LRBA: variants seen among roughly 807,000 people sequenced by gnomAD.
The protein encoded by LRBA is lipopolysaccharide-responsive and beige-like anchor protein.
A neutral mutation model predicts 330.0 loss-of-function variants in LRBA; 176 were observed. The observed-to-expected ratio is 0.53, with a 90% CI of 0.47 to 0.60. The LOEUF (loss-of-function observed/expected upper bound fraction) is 0.60. Ranked by LOEUF, LRBA falls within the 20% of genes least tolerant of loss-of-function variation. LRBA has a pLI of 0.00. For synonymous variants in LRBA, 1,230 were observed against 1,193.0 expected (o/e 1.03, Z -0.64); for missense variants, 3,259 against 3,444.8 (o/e 0.95, Z 1.35).
chr4:150,942,821 T>C (rs952066106), intron 2 of LRBA, among the ~76,000 whole-genome samples: 1 of 152,198 alleles, frequency 6.6e-6, no homozygotes, highest in South Asian at 2.1e-4. Context: ...ATCTGACTCA[T>C]AGTCTCATGT....
At chr4:150,366,418 G>C (rs1179807927) in intron 47 of LRBA, among the ~76,000 whole-genome samples, 2 of 152,232 alleles carry the variant, frequency 1.3e-5, no homozygotes, top group Non-Finnish European at 2.9e-5. Flanking sequence ...TTATAGGTCA[G>C]AATCTAGCAA....
chr4:150,370,861 A>G (rs1315082286), intron 47 of LRBA, among the ~76,000 whole-genome samples: 1 of 152,222 alleles, frequency 6.6e-6, no homozygotes, highest in Non-Finnish European at 1.5e-5. Context: ...AATTTTTTAA[A>G]ACATGATGTT....
chr4:150,824,324 T>C (rs1422362843), intron 30 of LRBA, among the ~76,000 whole-genome samples: 1 of 152,184 alleles, frequency 6.6e-6, no homozygotes, highest in Non-Finnish European at 1.5e-5. Context: ...ATGGACTCTT[T>C]AGGTTTTTCT....
At chr4:150,972,049 C>T (rs1739639727) in intron 2 of LRBA, among the ~76,000 whole-genome samples, 1 of 152,032 alleles carries the variant, frequency 6.6e-6, no homozygotes. Flanking sequence ...CTTATAAGTA[C>T]CTTACCAAAA....
At chr4:150,630,562 T>A (rs915585560) in intron 37 of LRBA, among the ~76,000 whole-genome samples, 10 of 151,072 alleles carry the variant, frequency 6.6e-5, no homozygotes, top group Admixed American at 2.6e-4. Context: ...TTATGTCTAC[T>A]TAAACAGGTT....
At chr4:150,841,926 G>A (rs1235873967) in intron 28 of LRBA, among the ~76,000 whole-genome samples, 2 of 152,098 alleles carry the variant, frequency 1.3e-5, no homozygotes, top group Admixed American at 1.3e-4. Context: ...AAAGTGCTGG[G>A]ATTACAGGTG....
At chr4:150,878,854 G>T (rs932725359) in intron 17 of LRBA, among the ~76,000 whole-genome samples, 16 of 150,728 alleles carry the variant, frequency 1.1e-4, no homozygotes, top group Non-Finnish European at 2.2e-4. Context: ...AATTTTTCTG[G>T]TCCAGGAATT....
intron 36 of LRBA, among the ~76,000 whole-genome samples, chr4:150,718,041 A>G (rs1036722423): frequency 3.3e-5 from 5 of 152,204 alleles, no homozygotes; most frequent in Admixed American, 1.3e-4. Flanking sequence ...GTATATTCAC[A>G]CATGCACAAT....
chr4:150,453,846 C>A (rs1753691764), intron 44 of LRBA, among the ~76,000 whole-genome samples: 1 of 152,198 alleles, frequency 6.6e-6, no homozygotes, highest in African/African-American at 2.4e-5. Context: ...TAATCTTAAA[C>A]CTCTTTTCTT....
intron 34 of LRBA, among the ~76,000 whole-genome samples, chr4:150,795,651 A>G (rs1474701470): frequency 2.0e-5 from 3 of 151,988 alleles, no homozygotes. Context: ...TAAATAGACT[A>G]AAATATGAAA....
chr4:150,522,449 A>G (rs1763020195), intron 40 of LRBA, among the ~76,000 whole-genome samples: 1 of 152,240 alleles, frequency 6.6e-6, no homozygotes, highest in Non-Finnish European at 1.5e-5. Context: ...TATTCATCAA[A>G]GCAATGCAAG....
intron 26 of LRBA, 145 bp from the exon 27 acceptor site, chr4:150,844,924 G>C: frequency 1.5e-6 from 1 of 679,172 alleles, no homozygotes; most frequent in Non-Finnish European, 2.4e-6. Flanking sequence ...AATGTCCCTA[G>C]ACTTTATCGC....
chr4:150,755,351 C>T (rs951530586), intron 35 of LRBA, among the ~76,000 whole-genome samples: 1 of 152,164 alleles, frequency 6.6e-6, no homozygotes, highest in African/African-American at 2.4e-5. Context: ...GATTAAGCAA[C>T]GTGCCCAACA....
intron 36 of LRBA, chr4:150,720,915 C>A (rs1728848492): frequency 2.7e-6 from 1 of 366,272 alleles, no homozygotes; most frequent in East Asian, 7.9e-5. Flanking sequence ...GATAACAAAG[C>A]AATGTCTGCA....
intron 40 of LRBA, among the ~76,000 whole-genome samples, chr4:150,573,879 T>G (rs1770196427): frequency 6.6e-6 from 1 of 152,196 alleles, no homozygotes; most frequent in Non-Finnish European, 1.5e-5. Context: ...TAGATCTATC[T>G]TTTAACACAG....
chr4:150,975,533 CAAA>C (rs562938295), intron 2 of LRBA, among the ~76,000 whole-genome samples: 2 of 78,122 alleles, frequency 2.6e-5, no homozygotes, highest in Non-Finnish European at 2.8e-5. Context: ...GACTCTATCT[CAAA>C]AAAAAAAAAA....
rs746049932 is a variant in LRBA at position 150,928,828 on chromosome 4, T to C, written c.448+6A>G. On this transcript the variant is annotated splice_donor_region_variant and intron_variant, in intron 3 of 56. Transcript: ENST00000651943. ...TGCATATATTGTACTATAGAAAAAATCATACCTGCTATCATATTGTCAACT... is the reference window on the plus strand; with the variant it reads ...TGCATATATTGTACTATAGAAAAAACCATACCTGCTATCATATTGTCAACT... The C allele has an allele frequency of 5.1e-5, 82 of 1,605,804 alleles. No homozygotes were observed. The highest frequency in any genetic ancestry group is 1.7e-4 in the Middle Eastern group (1 of 6,060).
intron 37 of LRBA, among the ~76,000 whole-genome samples, chr4:150,619,647 G>A (rs1776112686): frequency 6.6e-6 from 1 of 151,964 alleles, no homozygotes; most frequent in Non-Finnish European, 1.5e-5. Context: ...TTATAAGTAG[G>A]CTGTAATTAA....
At chr4:150,308,094 C>T (rs1730589698) in intron 52 of LRBA, among the ~76,000 whole-genome samples, 1 of 152,148 alleles carries the variant, frequency 6.6e-6, no homozygotes, top group Admixed American at 6.5e-5. Context: ...TACCATAAAG[C>T]ATTCAAATAA....
Sources: gnomAD v4.1 joint callset for allele counts (sites outside exome capture counted in the v4.1 genomes callset) on GRCh38, gnomAD v4.1.1 for gene constraint, MANE v1.5 for transcripts, NCBI Gene and HGNC (gene_info 2026-07-23, HGNC 2026-07-21) for gene names.